The following AFG2B variants were observed in gnomAD, a reference collection of about 807,000 sequenced individuals.
AFG2B encodes the protein AAA ATPase AFG2B.
the AFG2B span, among the ~76,000 whole-genome samples, chr15:45,409,100 G>C: frequency 6.6e-6 from 1 of 152,260 alleles, no homozygotes; most frequent in South Asian, 2.1e-4. Context: ...AATGGGCCAC[G>C]TGCGGTGGCT....
At chr15:45,414,212 T>C in the AFG2B span, among the ~76,000 whole-genome samples, 1 of 152,084 alleles carries the variant, frequency 6.6e-6, no homozygotes, top group African/African-American at 2.4e-5. Context: ...TGATGAGGGA[T>C]AGCCACACGA....
the AFG2B span, among the ~76,000 whole-genome samples, chr15:45,406,410 G>A: frequency 2.0e-5 from 3 of 152,102 alleles, no homozygotes; most frequent in Non-Finnish European, 2.9e-5. Flanking sequence ...TCAAGATACC[G>A]TTTTTCCCTT....
chr15:45,421,286 T>C, the AFG2B span: 11 of 1,038,912 alleles, frequency 1.1e-5, no homozygotes, highest in African/African-American at 1.7e-4. Context: ...TTCACACTTT[T>C]AGAATTTGTG....
At chr15:45,414,933 A>G in the AFG2B span, among the ~76,000 whole-genome samples, 2 of 152,252 alleles carry the variant, frequency 1.3e-5, no homozygotes, top group East Asian at 3.8e-4. Context: ...AAGTGTAAAT[A>G]TGAAATCCTT....
chr15:45,411,898 A>G, the AFG2B span, among the ~76,000 whole-genome samples: 2 of 149,578 alleles, frequency 1.3e-5, no homozygotes, highest in East Asian at 4.0e-4. Context: ...GGAATTAGAA[A>G]CCAACCTGGC....
At chr15:45,421,007 A>C in the AFG2B span, 7 of 1,594,268 alleles carry the variant, frequency 4.4e-6, no homozygotes, top group East Asian at 9.0e-5. Flanking sequence ...AAAAAAAAGC[A>C]AAAGAAATTG....
At chr15:45,403,515 A>G in the AFG2B span, 2 of 1,602,734 alleles carry the variant, frequency 1.2e-6, no homozygotes, top group East Asian at 2.3e-5. Context: ...GATTTGACCG[A>G]GAGGTGAATG....
At chr15:45,407,881 C>A in the AFG2B span, among the ~76,000 whole-genome samples, 1 of 152,114 alleles carries the variant, frequency 6.6e-6, no homozygotes, top group Admixed American at 6.5e-5. Context: ...CTAGAATGAT[C>A]AAGGAGAATG....
the AFG2B span, among the ~76,000 whole-genome samples, chr15:45,411,397 C>T: frequency 1.3e-5 from 2 of 152,188 alleles, no homozygotes; most frequent in Non-Finnish European, 2.9e-5. Context: ...TCACTGCACC[C>T]TTGAACTCCT....
At chr15:45,418,629 G>C in the AFG2B span, 5 of 1,613,930 alleles carry the variant, frequency 3.1e-6, no homozygotes, top group Non-Finnish European at 2.5e-6. Flanking sequence ...AGAAAACCTC[G>C]CAGCAGAAAC....
chr15:45,421,171 A>G, the AFG2B span: 2 of 1,609,334 alleles, frequency 1.2e-6, no homozygotes, highest in Admixed American at 3.4e-5. Flanking sequence ...ATGAAAACTT[A>G]TTTAAGAAAG....
At chr15:45,407,567 G>A in the AFG2B span, among the ~76,000 whole-genome samples, 1 of 152,022 alleles carries the variant, frequency 6.6e-6, no homozygotes, top group African/African-American at 2.4e-5. Flanking sequence ...GTATATAATA[G>A]GGTTATTCAT....
the AFG2B span, chr15:45,420,965 C>T: frequency 6.8e-7 from 1 of 1,471,824 alleles, no homozygotes; most frequent in Non-Finnish European, 9.2e-7. Flanking sequence ...GCACTCCAGC[C>T]TGGGCAATAA....
At chr15:45,409,435 G>A in the AFG2B span, among the ~76,000 whole-genome samples, 1 of 151,476 alleles carries the variant, frequency 6.6e-6, no homozygotes, top group East Asian at 1.9e-4. Flanking sequence ...AGAGAACACA[G>A]CTTCATATTA....
the AFG2B span, among the ~76,000 whole-genome samples, chr15:45,405,732 T>G: frequency 2.0e-5 from 3 of 152,186 alleles, no homozygotes; most frequent in South Asian, 6.2e-4. Context: ...TCCCTACTCT[T>G]ATAGTAACTC....
At chr15:45,415,514 A>G in the AFG2B span, 2 of 1,253,886 alleles carry the variant, frequency 1.6e-6, no homozygotes, top group East Asian at 2.5e-5. Context: ...AAAAAAAAAC[A>G]GGATTATAAA....
At chr15:45,402,653 A>G in the AFG2B span, 1 of 1,577,254 alleles carries the variant, frequency 6.3e-7, no homozygotes, top group Admixed American at 1.8e-5. Context: ...GTGCAGCTGG[A>G]CCCGCTGTGC....
the AFG2B span, chr15:45,406,900 G>A: frequency 2.8e-6 from 2 of 717,848 alleles, no homozygotes; most frequent in South Asian, 1.5e-5. Context: ...TGTAGGTTTA[G>A]ACCAAAACTA....
At chr15:45,403,288 C>T in the AFG2B span, 8 of 1,588,810 alleles carry the variant, frequency 5.0e-6, no homozygotes, top group Non-Finnish European at 6.8e-6. Flanking sequence ...GCGGGTCTTC[C>T]AGCGCGCCCG....
Sources: allele counts gnomAD v4.1 joint callset (sites outside exome capture counted in the v4.1 genomes callset), GRCh38; gene constraint gnomAD v4.1.1; transcripts MANE v1.5; gene names NCBI Gene and HGNC (gene_info 2026-07-23, HGNC 2026-07-21).